AFG2A: variants seen among roughly 807,000 people sequenced by gnomAD.
AFG2A encodes the protein AAA ATPase AFG2A.
chr4:122,925,993 GA>G, the AFG2A span, among the ~76,000 whole-genome samples: 2 of 152,212 alleles, frequency 1.3e-5, no homozygotes, highest in Non-Finnish European at 2.9e-5. Context: ...AGTTAATGGG[GA>G]AATTAGATGT....
the AFG2A span, among the ~76,000 whole-genome samples, chr4:123,207,999 A>G: frequency 6.6e-6 from 1 of 152,194 alleles, no homozygotes; most frequent in African/African-American, 2.4e-5. Context: ...AACACAGCTG[A>G]AGGACTTTCA....
At chr4:123,104,461 G>C in the AFG2A span, among the ~76,000 whole-genome samples, 1 of 152,096 alleles carries the variant, frequency 6.6e-6, no homozygotes, top group African/African-American at 2.4e-5. Context: ...ATGATTTCCA[G>C]ATGTTCAGAT....
At chr4:123,243,312 G>A in the AFG2A span, among the ~76,000 whole-genome samples, 2,275 of 152,250 alleles carry the variant, frequency 0.015, 52 homozygotes, top group African/African-American at 0.053. Flanking sequence ...GTTTATTGCA[G>A]CACTATTCAC....
At chr4:123,231,321 G>A in the AFG2A span, among the ~76,000 whole-genome samples, 1 of 151,896 alleles carries the variant, frequency 6.6e-6, no homozygotes, top group Admixed American at 6.6e-5. Flanking sequence ...GCCTGACCAT[G>A]CACTTTTATG....
At chr4:123,116,870 T>C in the AFG2A span, among the ~76,000 whole-genome samples, 2 of 152,072 alleles carry the variant, frequency 1.3e-5, no homozygotes, top group South Asian at 4.1e-4. Flanking sequence ...TTTTACTCTT[T>C]CATGGACATG....
At chr4:123,202,528 C>T in the AFG2A span, among the ~76,000 whole-genome samples, 3 of 152,052 alleles carry the variant, frequency 2.0e-5, no homozygotes, top group Non-Finnish European at 4.4e-5. Context: ...CCCCATAAGC[C>T]ATAGCCCAGC....
At chr4:123,057,081 T>TAC in the AFG2A span, 20 of 861,898 alleles carry the variant, frequency 2.3e-5, no homozygotes, top group Non-Finnish European at 3.8e-5. Context: ...ACAAGGTCTA[T>TAC]ACAAAGTGAC....
chr4:122,994,832 T>C, the AFG2A span, among the ~76,000 whole-genome samples: 1 of 152,228 alleles, frequency 6.6e-6, no homozygotes, highest in South Asian at 2.1e-4. Context: ...ATACCACATA[T>C]CATTAGTTAA....
the AFG2A span, among the ~76,000 whole-genome samples, chr4:123,123,888 C>T: frequency 7.4e-6 from 1 of 134,900 alleles, no homozygotes; most frequent in African/African-American, 2.8e-5. Flanking sequence ...GGAGGCGGAG[C>T]TTGCAGTGAG....
the AFG2A span, among the ~76,000 whole-genome samples, chr4:123,203,408 C>T: frequency 2.0e-5 from 3 of 152,140 alleles, no homozygotes; most frequent in East Asian, 1.9e-4. Context: ...CTGCAACCTC[C>T]GCCTCCTGGG....
chr4:123,143,342 G>A, the AFG2A span, among the ~76,000 whole-genome samples: 2 of 151,938 alleles, frequency 1.3e-5, no homozygotes, highest in African/African-American at 2.4e-5. Context: ...AGCAGTCGTC[G>A]CTATTACATT....
chr4:123,114,341 C>T, the AFG2A span, among the ~76,000 whole-genome samples: 15,957 of 152,178 alleles, frequency 0.1, 937 homozygotes, highest in Middle Eastern at 0.2. Context: ...CTGCCCCTTC[C>T]CACCCAGGAA....
At chr4:123,280,206 TAGTAATACTTCATTACTATGA>T in the AFG2A span, among the ~76,000 whole-genome samples, 2 of 152,176 alleles carry the variant, frequency 1.3e-5, no homozygotes, top group African/African-American at 4.8e-5. Flanking sequence ...AAAATGGCAA[TAGTAATACTTCATTACTATGA>T]AGTAATACTT....
At chr4:123,202,149 GGTTAATATTCTGGA>G in the AFG2A span, among the ~76,000 whole-genome samples, 1 of 151,838 alleles carries the variant, frequency 6.6e-6, no homozygotes, top group African/African-American at 2.4e-5. Context: ...TTTATGCTGG[GGTTAATATTCTGGA>G]GATAATATTA....
the AFG2A span, among the ~76,000 whole-genome samples, chr4:123,253,964 T>C: frequency 6.6e-6 from 1 of 152,220 alleles, no homozygotes; most frequent in African/African-American, 2.4e-5. Context: ...TGATAACTAA[T>C]GATGTTAAGT....
chr4:123,139,121 T>C, the AFG2A span, among the ~76,000 whole-genome samples: 2 of 152,244 alleles, frequency 1.3e-5, no homozygotes, highest in African/African-American at 4.8e-5. Context: ...ATAAAACAGA[T>C]GTAAATATTA....
chr4:123,229,768 G>A, the AFG2A span, among the ~76,000 whole-genome samples: 8 of 151,842 alleles, frequency 5.3e-5, no homozygotes, highest in African/African-American at 1.7e-4. Context: ...CCTGTATGCT[G>A]TGTCAGTTAG....
chr4:123,182,195 T>C, the AFG2A span, among the ~76,000 whole-genome samples: 200 of 152,228 alleles, frequency 1.3e-3, no homozygotes, highest in Non-Finnish European at 2.1e-3. Flanking sequence ...TTAGGAGTCA[T>C]TCTTTTAAAC....
the AFG2A span, among the ~76,000 whole-genome samples, chr4:122,926,455 A>G: frequency 6.6e-6 from 1 of 152,186 alleles, no homozygotes; most frequent in Non-Finnish European, 1.5e-5. Flanking sequence ...ATTTCGTTTT[A>G]TACTCAGTGC....
Sources: allele counts gnomAD v4.1 joint callset (sites outside exome capture counted in the v4.1 genomes callset), GRCh38; gene constraint gnomAD v4.1.1; transcripts MANE v1.5; gene names NCBI Gene and HGNC (gene_info 2026-07-23, HGNC 2026-07-21).